Variants in ITFG2 observed in about 807,000 individuals in gnomAD.
ITFG2 encodes integrin alpha FG-GAP repeat containing 2, also known as KICSTOR complex protein ITFG2.
Under a neutral mutation model 54.4 loss-of-function variants are expected in ITFG2, and 36 were observed. That is an observed-to-expected ratio of 0.66 (90% CI 0.51 to 0.87). ITFG2 has a LOEUF of 0.87. Among genes scored for constraint, ITFG2 ranks in the 40% least tolerant of loss-of-function variants. The pLI is 0.00. For synonymous variants in ITFG2, 211 were observed against 225.4 expected (o/e 0.94, Z 0.57); for missense variants, 524 against 576.7 (o/e 0.91, Z 0.94).
downstream of ITFG2, chr12:2,826,288 A>G (rs2097966500): frequency 6.6e-6 from 1 of 152,118 alleles, no homozygotes; most frequent in South Asian, 2.1e-4. Context: ...GGACAATACA[A>G]GCTTAAGCTC....
downstream of ITFG2, among the ~76,000 whole-genome samples, chr12:2,830,053 G>T (rs1603484181): frequency 6.6e-6 from 1 of 152,040 alleles, no homozygotes; most frequent in East Asian, 1.9e-4. Context: ...CTCCAGCCTG[G>T]GTGACAGAGC....
At chr12:2,827,950 C>T, downstream of ITFG2, 1 of 1,614,216 alleles carries the variant, frequency 6.2e-7, no homozygotes, top group Non-Finnish European at 8.5e-7. The surrounding 1 kb of genome is among the most constrained non-coding windows in gnomAD (Gnocchi z 4.0). Flanking sequence ...GAGCACACCA[C>T]AGTCTCCTGC....
upstream of ITFG2, chr12:2,834,907 T>C: frequency 1.2e-6 from 2 of 1,613,778 alleles, no homozygotes; most frequent in African/African-American, 1.3e-5. Context: ...TCTTCCTGCC[T>C]GTCTCTGTCC....
chr12:2,815,630 C>T (rs562842384), intron 1 of ITFG2, among the ~76,000 whole-genome samples: 2 of 152,312 alleles, frequency 1.3e-5, no homozygotes, highest in African/African-American at 4.8e-5. Flanking sequence ...TTAGATTCTC[C>T]AAAACTCCAC....
chr12:2,844,444 C>A (rs963392304), intron 2 of ITFG2, among the ~76,000 whole-genome samples: 8 of 152,086 alleles, frequency 5.3e-5, no homozygotes, highest in Non-Finnish European at 1.0e-4. Context: ...ATCCCAGCTA[C>A]TTGGGAAGCT....
chr12:2,853,874 G>A (rs1283738027), intron 2 of ITFG2, among the ~76,000 whole-genome samples: 1 of 152,156 alleles, frequency 6.6e-6, no homozygotes, highest in East Asian at 1.9e-4. Flanking sequence ...CTGCCTGGAG[G>A]GGCTCAGCCA....
upstream of ITFG2, chr12:2,834,961 G>A (rs142547207): frequency 4.4e-6 from 7 of 1,587,358 alleles, no homozygotes; most frequent in Admixed American, 1.1e-4. Flanking sequence ...CCACGGGAGG[G>A]AAAGAGGAAA....
chr12:2,818,083 T>G, intron 3 of ITFG2, 23 bp from the exon 4 acceptor site: 1 of 1,613,300 alleles, frequency 6.2e-7, no homozygotes, highest in Non-Finnish European at 8.5e-7. Context: ...AGTCCATCTC[T>G]ACTATACCTC....
chr12:2,816,471 A>C lies in ITFG2; in HGVS notation c.97-752A>C, dbSNP rs765144052. ...CAGCCTCCCGAGTAGCTGGGACCACAGGCGCCCGCCACCATGCCCGGCTAA... is the reference window on the plus strand; with the variant it reads ...CAGCCTCCCGAGTAGCTGGGACCACCGGCGCCCGCCACCATGCCCGGCTAA... On this transcript the variant is annotated intron_variant, in intron 1 of 11. Transcript: ENST00000228799. Among the ~76,000 whole-genome samples, 12 of 151,406 alleles carry C rather than the reference A, an allele frequency of 7.9e-5. No homozygotes were observed. In the East Asian group the frequency reaches 2.3e-3, roughly 30 times the overall value.
intron 2 of ITFG2, chr12:2,848,897 A>AC (rs1374659241): frequency 2.9e-4 from 97 of 337,478 alleles, no homozygotes; most frequent in African/African-American, 2.1e-3. Context: ...ACACACACAC[A>AC]CACACACACA....
chr12:2,821,992 G>A (rs989714035), intron 9 of ITFG2, among the ~76,000 whole-genome samples, 200 bp downstream of exon 9: 4 of 147,258 alleles, frequency 2.7e-5, no homozygotes, highest in Non-Finnish European at 4.5e-5. Context: ...GCAGTGGCAT[G>A]ATCTTGGTTC....
rs2097928632 is a variant in ITFG2, at chr12:2,818,267, C to G, written c.396C>G (p.Ile132Met). The part of the protein sequence containing the change: ...HIPANTKVML[I>M]SDIDGDGCRE... ...CTGCCAACACCAAGGTCATGCTGATCAGCGACATCGGTGGGCATGCCTACC... is the reference window on the plus strand; with the variant it reads ...CTGCCAACACCAAGGTCATGCTGATGAGCGACATCGGTGGGCATGCCTACC... The change falls in exon 4 of 12, where the codon ATC (isoleucine) becomes ATG (methionine). Residue 132 changes from isoleucine to methionine, a missense_variant. Ile to Met is a conservative substitution (Grantham distance 10). Transcript: ENST00000228799. The G allele has an allele frequency of 6.2e-7, 1 of 1,613,074 alleles. No individual in the cohort carries two copies. The highest frequency in any genetic ancestry group is 1.7e-5 in the Admixed American group (1 of 60,010).
chr12:2,842,624 C>G (rs1379727713), intron 2 of ITFG2, among the ~76,000 whole-genome samples: 1 of 151,894 alleles, frequency 6.6e-6, no homozygotes, highest in Non-Finnish European at 1.5e-5. Flanking sequence ...TCCAGCTACT[C>G]GGGAGGCTGA....
chr12:2,834,194 C>T (rs1033041695), upstream of ITFG2, among the ~76,000 whole-genome samples: 16 of 152,160 alleles, frequency 1.1e-4, no homozygotes, highest in African/African-American at 2.7e-4. Flanking sequence ...TGGAGACCCC[C>T]GATGTTTTGA....
At chr12:2,818,478 T>C (rs940507943) in intron 4 of ITFG2, 68 of 996,722 alleles carry the variant, frequency 6.8e-5, no homozygotes, top group Non-Finnish European at 9.1e-5. Flanking sequence ...GCTGCCCTCC[T>C]GGGCCTTATT....
At chr12:2,815,168 C>T (rs1328032798) in intron 1 of ITFG2, among the ~76,000 whole-genome samples, 1 of 152,096 alleles carries the variant, frequency 6.6e-6, no homozygotes, top group East Asian at 1.9e-4. Flanking sequence ...CAAATAAATT[C>T]CAATTTGTTT....
chr12:2,817,175 G>A lies in ITFG2; in HGVS notation c.97-48G>A, dbSNP rs186909341. The A allele has an allele frequency of 1.5e-5, 19 of 1,257,210 alleles. No individual in the cohort carries two copies. The Admixed American group carries it at 3.4e-4, about 23-fold the overall frequency. The allele number at this position is 1,257,210 out of a possible 1,614,324, so 77.9% of individuals were successfully genotyped here. On this transcript the variant is annotated intron_variant, in intron 1 of 11. Transcript: ENST00000228799. ...GGCTAAGTAGAGAAGAGCTTGAAGA[G>A]GTTCAGCAGAGTCCCATCCTAACGC...
At chr12:2,847,761 G>A (rs773364483) in intron 2 of ITFG2, among the ~76,000 whole-genome samples, 4 of 151,262 alleles carry the variant, frequency 2.6e-5, no homozygotes, top group African/African-American at 4.9e-5. Context: ...GTCTCTATAC[G>A]TTTGCCTATT....
intron 2 of ITFG2, among the ~76,000 whole-genome samples, chr12:2,843,119 C>A (rs1555091092): frequency 6.6e-6 from 1 of 152,170 alleles, no homozygotes; most frequent in Non-Finnish European, 1.5e-5. Flanking sequence ...AAGGAAATTC[C>A]CGGAATATTC....
Sources: allele counts gnomAD v4.1 joint callset (sites outside exome capture counted in the v4.1 genomes callset), GRCh38; gene constraint gnomAD v4.1.1; non-coding constraint Gnocchi (gnomAD v3.1); transcripts MANE v1.5; gene names NCBI Gene and HGNC (gene_info 2026-07-23, HGNC 2026-07-21).